The following CD84 variants were observed in gnomAD, a reference collection of about 807,000 sequenced individuals.
CD84 encodes CD84 molecule, also known as SLAM family member 5.
Under a neutral mutation model 33.8 loss-of-function variants are expected in CD84, and 22 were observed. The ratio of observed to expected loss-of-function variants is 0.65; its 90% confidence interval spans 0.46 to 0.93. The LOEUF is 0.93. Among genes scored for constraint, CD84 ranks in the 40% least tolerant of loss-of-function variants. CD84 has a pLI of 0.00. For missense variants in CD84, 400 were observed against 397.6 expected, an observed-to-expected ratio of 1.01 and a Z score of -0.05; for synonymous variants, 154 against 145.2, an observed-to-expected ratio of 1.06 and a Z score of -0.44.
chr1:160,551,838 C>T (rs1200323769), intron 4 of CD84, among the ~76,000 whole-genome samples: 1 of 152,220 alleles, frequency 6.6e-6, no homozygotes, highest in Admixed American at 6.5e-5. Flanking sequence ...AGCCACAGCA[C>T]CCTGCCAGTT....
At position 160,565,559 on chromosome 1, in the gene CD84, T is replaced by G; in HGVS notation, c.233A>C (p.His78Pro). 1.2e-6 allele frequency: 2 copies of G among 1,614,028 alleles called. No individual in the cohort carries two copies. The highest frequency in any genetic ancestry group is 1.7e-6 in the Non-Finnish European group (2 of 1,179,920). The change falls in exon 2 of 7, where the codon CAC (histidine) becomes CCC (proline). Residue 78 changes from histidine to proline, a missense_variant. Physicochemically the swap from His to Pro is moderately conservative, Grantham distance 77. Transcript: ENST00000368054. Reference protein sequence around the residue: ...SETAPVVTVTHRNYYERIHAL... With the variant: ...SETAPVVTVTPRNYYERIHAL... ...ATGTATCCGTTCATAATAATTTCTG[T>G]GGGTCACAGTAACTACGGGTGCTGT...
intron 2 of CD84, among the ~76,000 whole-genome samples, chr1:160,561,393 A>G (rs1388596571): frequency 2.0e-5 from 3 of 151,844 alleles, no homozygotes; most frequent in Admixed American, 2.0e-4. Context: ...TTCATCACAT[A>G]AATAGTACTG....
intron 2 of CD84, among the ~76,000 whole-genome samples, chr1:160,561,364 T>C (rs1656947120): frequency 1.3e-5 from 2 of 151,962 alleles, no homozygotes; most frequent in Admixed American, 6.6e-5. Flanking sequence ...GTTCAACATA[T>C]CCAAATCAGT....
intron 2 of CD84, among the ~76,000 whole-genome samples, chr1:160,558,323 C>A (rs1259604222): frequency 6.6e-6 from 1 of 152,126 alleles, no homozygotes; most frequent in Non-Finnish European, 1.5e-5. Flanking sequence ...ACTCGTGATA[C>A]CTCCAGGTAT....
At chr1:160,570,081 C>T (rs946120932) in intron 1 of CD84, among the ~76,000 whole-genome samples, 3 of 151,118 alleles carry the variant, frequency 2.0e-5, no homozygotes, top group East Asian at 3.9e-4. Flanking sequence ...AACCAGGGGA[C>T]GATAATGGGA....
intron 2 of CD84, among the ~76,000 whole-genome samples, chr1:160,559,123 T>G (rs1296676745): frequency 1.3e-5 from 2 of 152,028 alleles, no homozygotes; most frequent in Admixed American, 6.6e-5. Flanking sequence ...ATTCAGGAAA[T>G]GCAGAGAACA....
rs758181896 is a variant in CD84, at chr1:160,545,088, C to T, written c.*3168G>A. On this transcript the variant is annotated 3_prime_UTR_variant, in exon 7 of 7. Transcript: ENST00000368054. Reference sequence around the variant, plus strand: ...CCTAGAGAGAAGGGTGAACAGATAACGTGTTCATGAATCAGGAGATTCATA... The same window carrying T: ...CCTAGAGAGAAGGGTGAACAGATAATGTGTTCATGAATCAGGAGATTCATA... 2.6e-5 allele frequency: 4 copies of T among 152,116 alleles called. No homozygotes were observed. Among genetic ancestry groups the T allele is most frequent in the Non-Finnish European group, 4.4e-5 (3 of 68,022 alleles). 9.4% of individuals were successfully genotyped at this position (152,116 alleles called of 1,614,324 possible).
intron 1 of CD84, among the ~76,000 whole-genome samples, chr1:160,570,658 C>T (rs914186607): frequency 1.3e-5 from 2 of 152,044 alleles, no homozygotes; most frequent in African/African-American, 4.8e-5. Flanking sequence ...TCCAGGAGTG[C>T]GAGACCAGCC....
In CD84 at chr1:160,552,876, G is replaced by A. The variant is rs766137674; in HGVS notation, c.760+502C>T. 3 of 673,254 alleles carry A rather than the reference G, an allele frequency of 4.5e-6. No individual in the cohort carries two copies. The African/African-American group carries it at 5.4e-5, about 12-fold the overall frequency. 41.7% of individuals were successfully genotyped at this position (673,254 alleles called of 1,614,324 possible). On this transcript the variant is annotated intron_variant, in intron 4 of 6. Coordinates refer to ENST00000368054, the MANE Select transcript of CD84 (RefSeq NM_003874.4). ...CGGAGGGTATAATGATTCCTTGAGG[G>A]TCTAAGATCAGGTTTTCTGAATGGA...
chr1:160,555,296 G>GA (rs1656532461), intron 2 of CD84, among the ~76,000 whole-genome samples: 1 of 151,956 alleles, frequency 6.6e-6, no homozygotes, highest in Non-Finnish European at 1.5e-5. Context: ...TGTTAGCTAG[G>GA]ATGGTCTCAA....
chr1:160,574,988 T>A (rs756593213), intron 1 of CD84, among the ~76,000 whole-genome samples: 11 of 152,124 alleles, frequency 7.2e-5, no homozygotes, highest in Non-Finnish European at 1.2e-4. Flanking sequence ...AGTTGGGGTA[T>A]TGGGGAGATG....
At chr1:160,553,223 T>G in intron 4 of CD84, 155 bp downstream of exon 4, 1 of 1,216,768 alleles carries the variant, frequency 8.2e-7, no homozygotes, top group East Asian at 2.5e-5. Flanking sequence ...CATACCATCC[T>G]CAGAGCCATC....
At chr1:160,548,791 G>T (rs1396067228) in intron 6 of CD84, among the ~76,000 whole-genome samples, 1 of 152,072 alleles carries the variant, frequency 6.6e-6, no homozygotes, top group African/African-American at 2.4e-5. Flanking sequence ...AGGAGTCTTA[G>T]GTTTTCAATT....
At chr1:160,575,494 A>AATACAC (rs5778167) in intron 1 of CD84, among the ~76,000 whole-genome samples, 15 of 146,706 alleles carry the variant, frequency 1.0e-4, no homozygotes, top group South Asian at 6.5e-4. Flanking sequence ...GTTCCTTCAA[A>AATACAC]ACACACACAC....
At position 160,553,364 on chromosome 1, in the gene CD84, T is replaced by C. The variant is rs767806069; in HGVS notation, c.760+14A>G. ...AGGTGAGTTTCCACATTTTACCTTCTGGGAAAATCCTACCTTGTCTTCTCT... is the reference window on the plus strand; with the variant it reads ...AGGTGAGTTTCCACATTTTACCTTCCGGGAAAATCCTACCTTGTCTTCTCT... On this transcript the variant is annotated intron_variant, in intron 4 of 6. Transcript: ENST00000368054. The C allele has an allele frequency of 3.7e-6, 6 of 1,614,172 alleles. No homozygotes were observed. The highest frequency in any genetic ancestry group is 5.1e-6 in the Non-Finnish European group (6 of 1,180,024).
intron 1 of CD84, among the ~76,000 whole-genome samples, chr1:160,570,596 C>G (rs566852385): frequency 2.0e-5 from 3 of 152,302 alleles, no homozygotes; most frequent in South Asian, 2.1e-4. Flanking sequence ...CATGGTGGCT[C>G]ACATCTGTAA....
At chr1:160,550,087 G>T in intron 5 of CD84, 108 bp from the exon 6 acceptor site, 2 of 803,704 alleles carry the variant, frequency 2.5e-6, no homozygotes, top group Non-Finnish European at 4.3e-6. Flanking sequence ...CACATTTACT[G>T]GGTGGCCTCC....
At chr1:160,561,231 A>G (rs568234830) in intron 2 of CD84, among the ~76,000 whole-genome samples, 2 of 152,366 alleles carry the variant, frequency 1.3e-5, no homozygotes, top group Admixed American at 6.5e-5. Context: ...ACTTCAGGCC[A>G]ATATCCTTAA....
chr1:160,566,620 T>C (rs1209586395), intron 1 of CD84, among the ~76,000 whole-genome samples: 1 of 152,212 alleles, frequency 6.6e-6, no homozygotes, highest in Non-Finnish European at 1.5e-5. Context: ...AAGAAACAGA[T>C]ATAATTCTTG....
Sources: gnomAD v4.1 joint callset for allele counts (sites outside exome capture counted in the v4.1 genomes callset) on GRCh38, gnomAD v4.1.1 for gene constraint, MANE v1.5 for transcripts, NCBI Gene and HGNC (gene_info 2026-07-23, HGNC 2026-07-21) for gene names.